Variants in EPM2A observed in about 807,000 individuals in gnomAD.
EPM2A encodes laforin.
EPM2A carries 21 observed loss-of-function variants against 26.5 expected under a neutral mutation model. That is an observed-to-expected ratio of 0.79 (90% CI 0.56 to 1.14). EPM2A has a LOEUF of 1.14. Ranked by LOEUF, EPM2A falls within the 50% of genes most tolerant of loss-of-function variation. The pLI is 0.00. For missense variants in EPM2A, 458 were observed against 440.8 expected (o/e 1.04, Z -0.35); for synonymous variants, 217 against 177.6 (o/e 1.22, Z -1.76).
chr6:145,476,072 G>GAAACCA (rs1270813568), intron 4 of EPM2A, among the ~76,000 whole-genome samples: 1 of 151,952 alleles, frequency 6.6e-6, no homozygotes, highest in Non-Finnish European at 1.5e-5. Context: ...TAAAGGGATG[G>GAAACCA]AAAAACATAT....
intron 3 of EPM2A, among the ~76,000 whole-genome samples, chr6:145,633,330 T>C (rs181133425): frequency 2.6e-5 from 4 of 152,302 alleles, no homozygotes; most frequent in Admixed American, 1.3e-4. Context: ...AACTATCTTC[T>C]CTGTTTTGAA....
At chr6:145,449,000 G>T (rs1401804826) in intron 4 of EPM2A, among the ~76,000 whole-genome samples, 1 of 152,136 alleles carries the variant, frequency 6.6e-6, no homozygotes, top group Non-Finnish European at 1.5e-5. Flanking sequence ...GAGGGCTAGG[G>T]ATGTGCTTCA....
intron 2 of EPM2A, among the ~76,000 whole-genome samples, chr6:145,662,746 T>A (rs1295629476): frequency 6.6e-6 from 1 of 152,104 alleles, no homozygotes; most frequent in East Asian, 1.9e-4. Context: ...TTGAGGATAA[T>A]GGAAAATGAG....
intron 2 of EPM2A, among the ~76,000 whole-genome samples, chr6:145,616,475 G>C (rs560685634): frequency 1.3e-5 from 2 of 152,374 alleles, no homozygotes; most frequent in Non-Finnish European, 2.9e-5. Context: ...TGTGGGGTCA[G>C]AGCACCTACT....
chr6:145,465,339 C>T (rs1290312865), intron 4 of EPM2A, among the ~76,000 whole-genome samples: 2 of 150,244 alleles, frequency 1.3e-5, no homozygotes, highest in Non-Finnish European at 3.0e-5. Flanking sequence ...TTAAGCACTT[C>T]TCTGTATTGG....
At chr6:145,568,311 A>T (rs1010588180) in intron 2 of EPM2A, among the ~76,000 whole-genome samples, 5 of 147,824 alleles carry the variant, frequency 3.4e-5, no homozygotes, top group African/African-American at 1.2e-4. Flanking sequence ...ACAGTAACCC[A>T]GGACATCTGA....
rs147318835 is a variant in EPM2A, at chr6:145,452,604, G to A, written c.555+49918C>T. Among the ~76,000 whole-genome samples the A allele has an allele frequency of 6.0e-3, 897 of 149,244 alleles. 13 individuals are homozygous for A. Among genetic ancestry groups the A allele is most frequent in the Admixed American group, 0.017 (255 of 14,892 alleles). ...GGAGAATGGCGTGAACCCAGGAGAC[G>A]GAGCTTGCAGGGAGGCGGAGCTTGC... On this transcript the variant is annotated intron_variant, in intron 4 of 4. Coordinates refer to the EPM2A transcript ENST00000638717.
chr6:145,729,427 A>T (rs569842801), intron 1 of EPM2A, among the ~76,000 whole-genome samples: 22 of 152,348 alleles, frequency 1.4e-4, no homozygotes, highest in African/African-American at 4.8e-4. Flanking sequence ...CCACAGGGGC[A>T]GAGATGCCCA....
At chr6:145,409,682 G>A (rs190763902) in intron 4 of EPM2A, among the ~76,000 whole-genome samples, 28 of 152,234 alleles carry the variant, frequency 1.8e-4, no homozygotes, top group African/African-American at 6.5e-4. Context: ...TCAGGAGTGG[G>A]GAAGTGGATT....
intron 2 of EPM2A, among the ~76,000 whole-genome samples, chr6:145,557,694 GAA>G (rs1780747507): frequency 6.6e-6 from 1 of 152,066 alleles, no homozygotes; most frequent in African/African-American, 2.4e-5. Flanking sequence ...GCTAATTCAA[GAA>G]AATTAGCATA....
At chr6:145,660,807 C>G (rs924848068) in intron 2 of EPM2A, among the ~76,000 whole-genome samples, 6 of 152,186 alleles carry the variant, frequency 3.9e-5, no homozygotes, top group African/African-American at 1.4e-4. Context: ...CATAAAATAA[C>G]ATAAAATAAT....
intron 4 of EPM2A, among the ~76,000 whole-genome samples, chr6:145,425,631 CA>C (rs35954002): frequency 0.066 from 8,973 of 136,930 alleles, 263 homozygotes; most frequent in African/African-American, 0.093. Context: ...TTGAGAATGG[CA>C]AAAAAAAAAA....
intron 2 of EPM2A, among the ~76,000 whole-genome samples, chr6:145,652,258 T>C (rs1777937013): frequency 6.6e-6 from 1 of 152,194 alleles, no homozygotes; most frequent in Non-Finnish European, 1.5e-5. Flanking sequence ...TAAATTTAGG[T>C]GGATCTACTG....
intron 2 of EPM2A, among the ~76,000 whole-genome samples, chr6:145,610,512 G>A (rs2128551952): frequency 6.6e-6 from 1 of 152,276 alleles, no homozygotes. Flanking sequence ...GTCATCCTAA[G>A]CTACTTTCTA....
chr6:145,391,657 C>T (rs754451343), intron 4 of EPM2A, among the ~76,000 whole-genome samples: 1 of 152,144 alleles, frequency 6.6e-6, no homozygotes, highest in South Asian at 2.1e-4. Context: ...GCTGGAAGTT[C>T]CCATACCCCC....
chr6:145,419,833 A>C (rs1185384018), intron 4 of EPM2A, among the ~76,000 whole-genome samples: 1 of 152,200 alleles, frequency 6.6e-6, no homozygotes, highest in East Asian at 1.9e-4. Flanking sequence ...AATAACTATT[A>C]CAAATATGAA....
intron 1 of EPM2A, among the ~76,000 whole-genome samples, chr6:145,704,498 T>A (rs1286241086): frequency 6.6e-6 from 1 of 152,230 alleles, no homozygotes; most frequent in African/African-American, 2.4e-5. Flanking sequence ...AATGTATTGT[T>A]TCTCAAAAAA....
intron 2 of EPM2A, among the ~76,000 whole-genome samples, chr6:145,523,073 T>C (rs1780225383): frequency 6.6e-6 from 1 of 152,206 alleles, no homozygotes. Flanking sequence ...GACATTTTCA[T>C]ACTGTAAATT....
chr6:145,664,209 C>A (rs1778969083), intron 2 of EPM2A, among the ~76,000 whole-genome samples: 1 of 86,526 alleles, frequency 1.2e-5, no homozygotes, highest in Non-Finnish European at 2.3e-5. Flanking sequence ...AATTAAAAGA[C>A]ACAGACTGGC....
Sources: allele counts gnomAD v4.1 joint callset (sites outside exome capture counted in the v4.1 genomes callset), GRCh38; gene constraint gnomAD v4.1.1; transcripts MANE v1.5; gene names NCBI Gene and HGNC (gene_info 2026-07-23, HGNC 2026-07-21).